LHPP: variants seen among roughly 807,000 people sequenced by gnomAD.
LHPP encodes the protein phospholysine phosphohistidine inorganic pyrophosphate phosphatase.
LHPP carries 24 observed loss-of-function variants against 30.3 expected under a neutral mutation model. The ratio of observed to expected loss-of-function variants is 0.79; its 90% CI spans 0.57 to 1.11. The LOEUF is 1.11. LHPP is among the 50% of genes most tolerant of loss of function. The pLI is 0.00. For missense variants in LHPP, 356 were observed against 367.2 expected (o/e 0.97, Z 0.25); for synonymous variants, 150 against 157.1 (o/e 0.95, Z 0.34).
chr10:124,566,498 A>G (rs1320860863), intron 6 of LHPP, among the ~76,000 whole-genome samples: 1 of 151,960 alleles, frequency 6.6e-6, no homozygotes, highest in Non-Finnish European at 1.5e-5. Flanking sequence ...GCCTGCTTGG[A>G]CCCACTGGCA....
chr10:124,554,102 G>T, intron 6 of LHPP: 1 of 983,970 alleles, frequency 1.0e-6, no homozygotes, highest in Non-Finnish European at 1.2e-6. Flanking sequence ...TTCAGCTCCT[G>T]CTCTGACATT....
chr10:124,526,153 C>T (rs770967475), intron 6 of LHPP: 293 of 984,888 alleles, frequency 3.0e-4, no homozygotes, highest in Middle Eastern at 5.2e-4. Flanking sequence ...TCCCTAGAGC[C>T]GCTCAACACG....
chr10:124,472,793 G>A (rs1322062691), intron 1 of LHPP, among the ~76,000 whole-genome samples: 2 of 152,254 alleles, frequency 1.3e-5, no homozygotes, highest in East Asian at 3.9e-4. Flanking sequence ...CCTGACCTCA[G>A]GTGATCCGCC....
At chr10:124,612,627 C>T (rs1371765638) in intron 6 of LHPP, among the ~76,000 whole-genome samples, 1 of 152,160 alleles carries the variant, frequency 6.6e-6, no homozygotes, top group Non-Finnish European at 1.5e-5. Flanking sequence ...AGTGAGACCT[C>T]AGGAGATGCC....
At chr10:124,509,642 C>T (rs1034242898) in intron 5 of LHPP, among the ~76,000 whole-genome samples, 1 of 151,604 alleles carries the variant, frequency 6.6e-6, no homozygotes, top group African/African-American at 2.4e-5. Flanking sequence ...GTGGCAATTA[C>T]TCAGCATTGC....
chr10:124,590,528 C>T lies in LHPP; in HGVS notation c.717-22736C>T, dbSNP rs1196755636. Among the ~76,000 whole-genome samples the T allele has an allele frequency of 1.3e-5, 2 of 152,178 alleles. No homozygotes were observed. The highest frequency in any genetic ancestry group is 2.9e-5 in the Non-Finnish European group (2 of 68,028). On this transcript the variant is annotated intron_variant, in intron 6 of 6. Transcript: ENST00000368842. The surrounding 1 kb of genome is among the most constrained non-coding windows in gnomAD (Gnocchi z 4.3). ...GGACTTGGCTCTCCTGCCAAGCCCC[C>T]ACCCAGCACCTGTCCCTTGTGTCAT...
intron 6 of LHPP, among the ~76,000 whole-genome samples, chr10:124,518,086 G>A (rs1954505840): frequency 6.6e-6 from 1 of 152,160 alleles, no homozygotes; most frequent in Non-Finnish European, 1.5e-5. Context: ...ACAGATCAGA[G>A]GGCCCGACCG....
chr10:124,463,805 GCCT>G (rs1030206791), intron 1 of LHPP, among the ~76,000 whole-genome samples: 5 of 144,694 alleles, frequency 3.5e-5, no homozygotes, highest in Middle Eastern at 3.6e-3. Flanking sequence ...ACCACACCTG[GCCT>G]AATTTTTTTT....
intron 6 of LHPP, among the ~76,000 whole-genome samples, chr10:124,533,367 G>A (rs905668643): frequency 6.6e-6 from 1 of 152,226 alleles, no homozygotes; most frequent in African/African-American, 2.4e-5. Flanking sequence ...GCAGGGGCGT[G>A]GGGGGTTGGA....
At chr10:124,498,212 G>A (rs1267654920) in intron 5 of LHPP, 84 bp downstream of exon 5, 2 of 1,404,076 alleles carry the variant, frequency 1.4e-6, no homozygotes, top group South Asian at 2.3e-5. Flanking sequence ...ACAGGACTCA[G>A]GCAGCCTGTG....
chr10:124,483,712 A>G (rs571459991), intron 1 of LHPP, among the ~76,000 whole-genome samples: 24 of 152,230 alleles, frequency 1.6e-4, no homozygotes, highest in African/African-American at 4.6e-4. Flanking sequence ...AGCTGAGATC[A>G]TGCCACTGCA....
intron 6 of LHPP, among the ~76,000 whole-genome samples, chr10:124,571,829 C>G (rs1253897536): frequency 6.6e-6 from 1 of 152,186 alleles, no homozygotes; most frequent in African/African-American, 2.4e-5. Flanking sequence ...AGATAGACAA[C>G]ATGGCGATGG....
At chr10:124,493,339 T>C (rs1051981345) in intron 3 of LHPP, among the ~76,000 whole-genome samples, 1 of 152,030 alleles carries the variant, frequency 6.6e-6, no homozygotes, top group Non-Finnish European at 1.5e-5. Flanking sequence ...CACCATGCCG[T>C]CCTCGGCTGT....
chr10:124,583,710 A>C (rs1180326857), intron 6 of LHPP, among the ~76,000 whole-genome samples: 1 of 152,150 alleles, frequency 6.6e-6, no homozygotes, highest in Non-Finnish European at 1.5e-5. Context: ...GAACTTACTC[A>C]CTATCGCAAA....
chr10:124,473,523 C>A (rs1025980018), intron 1 of LHPP, among the ~76,000 whole-genome samples: 9 of 152,086 alleles, frequency 5.9e-5, no homozygotes, highest in African/African-American at 1.7e-4. Flanking sequence ...CAGCTCTGCC[C>A]CATAGTTGCC....
intron 6 of LHPP, among the ~76,000 whole-genome samples, chr10:124,548,421 A>C (rs962883531): frequency 6.6e-6 from 1 of 152,066 alleles, no homozygotes; most frequent in Non-Finnish European, 1.5e-5. Flanking sequence ...CCTCCTTCCA[A>C]GTTCCCAATT....
In LHPP at chr10:124,496,188, C is replaced by T. The variant is rs114020705; in HGVS notation, c.468-773C>T. 5.4e-3 allele frequency among the ~76,000 whole-genome samples: 821 copies of T among 152,328 alleles called. 6 individuals carry two copies. Among genetic ancestry groups the T allele is most frequent in the African/African-American group, 0.019 (795 of 41,588 alleles). On this transcript the variant is annotated intron_variant, in intron 3 of 6. Transcript: ENST00000368842. The surrounding 1 kb of genome is among the most constrained non-coding windows in gnomAD (Gnocchi z 4.3). ...CAGCGCAGGTTAAACCACTTTCTCG[C>T]CTCATTGTAGTCAATTGGCTTAGTT...
At chr10:124,610,812 A>G (rs374112508) in intron 6 of LHPP, among the ~76,000 whole-genome samples, 23 of 24,212 alleles carry the variant, frequency 9.5e-4, no homozygotes, top group Admixed American at 2.4e-3. Context: ...GAGGGTGCTG[A>G]TGGAGCGGGT....
intron 6 of LHPP, among the ~76,000 whole-genome samples, chr10:124,535,156 G>T (rs1349111975): frequency 1.3e-5 from 2 of 152,190 alleles, no homozygotes; most frequent in Non-Finnish European, 2.9e-5. Flanking sequence ...TCGCAACAGT[G>T]ACAGATGCAG....
Sources: gnomAD v4.1 joint callset for allele counts (sites outside exome capture counted in the v4.1 genomes callset) on GRCh38, gnomAD v4.1.1 for gene constraint, Gnocchi (gnomAD v3.1) non-coding constraint, MANE v1.5 for transcripts, NCBI Gene and HGNC (gene_info 2026-07-23, HGNC 2026-07-21) for gene names.